Variants in EIF2B5 observed in about 807,000 individuals in gnomAD.
EIF2B5 encodes translation initiation factor eIF2B subunit epsilon.
In EIF2B5, 38 loss-of-function variants were observed where a neutral mutation model predicts 87.3. The ratio of observed to expected loss-of-function variants is 0.44; its 90% CI spans 0.34 to 0.57. The LOEUF (loss-of-function observed/expected upper bound fraction) is 0.57, where lower values mean the gene tolerates loss of function less well. Among genes scored for constraint, EIF2B5 ranks in the 20% least tolerant of loss-of-function variants. The pLI is 0.02. For missense variants in EIF2B5, 784 were observed against 909.5 expected (o/e 0.86, Z 1.78); for synonymous variants, 313 against 339.6 (o/e 0.92, Z 0.86).
chr3:184,142,900 G>C lies in EIF2B5; in HGVS notation c.1654+14G>C. The C allele has an allele frequency of 6.2e-7, 1 of 1,607,720 alleles. No individual in the cohort carries two copies. The highest frequency in any genetic ancestry group is 8.5e-7 in the Non-Finnish European group (1 of 1,175,884). On this transcript the variant is annotated intron_variant, in intron 11 of 15. Coordinates refer to ENST00000648915, the MANE Select transcript of EIF2B5 (RefSeq NM_003907.3). This position sits in a 1 kb window ranked among gnomAD's most constrained non-coding sequence, Gnocchi z 5.0. ...ATGACATCAAAGGTGAGTGGCAGGG[G>C]AGAAATGCGCTGGACCAGTTTATTC... is the stretch of plus-strand genomic sequence containing the variant.
chr3:184,138,762 G>A, intron 5 of EIF2B5: 2 of 225,194 alleles, frequency 8.9e-6, no homozygotes, highest in South Asian at 4.7e-5. Context: ...CAGCCTCCCA[G>A]GTTCAAGGGA....
chr3:184,136,200 A>T (rs1162717911), intron 1 of EIF2B5, among the ~76,000 whole-genome samples: 1 of 152,338 alleles, frequency 6.6e-6, no homozygotes, highest in South Asian at 2.1e-4. Flanking sequence ...AAAAAGCCTA[A>T]TGGCTGTTCA....
intron 1 of EIF2B5, 188 bp downstream of exon 1, chr3:184,135,768 G>C: frequency 1.3e-6 from 1 of 763,006 alleles, no homozygotes; most frequent in Non-Finnish European, 2.1e-6. Context: ...CGGCAGATTT[G>C]GGCATTCGTA....
chr3:184,140,580 A>C lies in EIF2B5; in HGVS notation c.1006A>C (p.Thr336Pro). 1 of 1,614,064 alleles carries C rather than the reference A, an allele frequency of 6.2e-7. No individual in the cohort carries two copies. Among genetic ancestry groups the C allele is most frequent in the Non-Finnish European group, 8.5e-7 (1 of 1,180,010 alleles). Residue 336 changes from threonine (T) to proline (P), a missense_variant, in exon 7 of 16, where the codon ACT (threonine) becomes CCT (proline). Coordinates refer to ENST00000648915, the MANE Select transcript of EIF2B5 (RefSeq NM_003907.3). ...CACTGACAGCACCACCCAGAGCTGC[A>C]CTCATTCCCGGCACAACATCTACCG... ...NFTDSTTQSC[T>P]HSRHNIYRGP...
Position 184,142,414 on chromosome 3 carries a change from CTCGCTG to C in EIF2B5, c.1444+37_1444+42del. The stretch of plus-strand genomic sequence containing the variant: ...CAACAGGTGTGGGGCATCTGTGTGT[CTCGCTG>C]CCTCATAGAAGAACCAGTGTTTCCT... On this transcript the variant is annotated intron_variant, in intron 9 of 15. Coordinates refer to ENST00000648915, the MANE Select transcript of EIF2B5 (RefSeq NM_003907.3). This position sits in a 1 kb window ranked among gnomAD's most constrained non-coding sequence, Gnocchi z 5.0. 6.2e-7 allele frequency: 1 copy of C among 1,614,186 alleles called. No homozygotes were observed. Among genetic ancestry groups the C allele is most frequent in the Non-Finnish European group, 8.5e-7 (1 of 1,180,040 alleles).
rs1713435874 is a variant in EIF2B5, at chr3:184,137,923, GTTTCTGTGATGAC to G, written c.533_545del (p.Val178GlyfsTer2). 1 of 1,614,090 alleles carries G rather than the reference GTTTCTGTGATGAC, an allele frequency of 6.2e-7. No individual in the cohort carries two copies. Among genetic ancestry groups the G allele is most frequent in the Non-Finnish European group, 8.5e-7 (1 of 1,180,052 alleles). The stretch of plus-strand genomic sequence containing the variant: ...GTTGAGACGGAAGCTAGAAAAAAAT[GTTTCTGTGATGAC>G]GATGATCTTCAAGGAGTCATCCCCC... On this transcript the variant is annotated frameshift_variant, in exon 4 of 16. Transcript: ENST00000648915. LOFTEE classifies it high-confidence loss of function.
chr3:184,138,648 C>A (rs1243076493), intron 5 of EIF2B5, among the ~76,000 whole-genome samples: 1 of 148,222 alleles, frequency 6.7e-6, no homozygotes, highest in Non-Finnish European at 1.5e-5. Flanking sequence ...AGCCACCACA[C>A]CTGGCCTTAT....
chr3:184,140,757 A>C, intron 7 of EIF2B5, 27 bp downstream of exon 7: 1 of 1,613,128 alleles, frequency 6.2e-7, no homozygotes, highest in Admixed American at 1.7e-5. Flanking sequence ...AATCAAGCCA[A>C]CTATCCTAGG....
rs763144898 is a variant in EIF2B5, at chr3:184,142,629, TCTC to T, written c.1546+32_1546+34del. ...GTGAGCTAGGCCTGATGCCTGCCCT[TCTC>T]CTCCTGAATCGGAATATTTTGAAGG... is the stretch of plus-strand genomic sequence containing the variant. On this transcript the variant is annotated intron_variant, in intron 10 of 15. Coordinates refer to ENST00000648915, the MANE Select transcript of EIF2B5 (RefSeq NM_003907.3). This position sits in a 1 kb window ranked among gnomAD's most constrained non-coding sequence, Gnocchi z 5.0. 9.3e-6 allele frequency: 15 copies of T among 1,605,534 alleles called. No individual in the cohort carries two copies. Among genetic ancestry groups the T allele is most frequent in the Middle Eastern group, 1.7e-4 (1 of 6,048 alleles).
At chr3:184,137,545 G>C in intron 2 of EIF2B5, 75 bp from the exon 3 acceptor site, 1 of 1,479,468 alleles carries the variant, frequency 6.8e-7, no homozygotes, top group Admixed American at 1.7e-5. Flanking sequence ...GTGCTGAAAG[G>C]GGGTGAAAAA....
intron 5 of EIF2B5, chr3:184,138,906 A>T: frequency 3.5e-6 from 1 of 286,068 alleles, no homozygotes; most frequent in South Asian, 2.6e-5. Context: ...AAGCAATCTG[A>T]CCACCTCAGC....
chr3:184,137,802 A>G lies in EIF2B5; in HGVS notation c.503A>G (p.His168Arg). 1.2e-6 allele frequency: 2 copies of G among 1,614,216 alleles called. No individual in the cohort carries two copies. Among genetic ancestry groups the G allele is most frequent in the Non-Finnish European group, 8.5e-7 (1 of 1,180,048 alleles). Residue 168 changes from histidine to arginine, a missense_variant, in exon 3 of 16, where the codon CAC becomes CGC. Physicochemically the swap from His to Arg is conservative, Grantham distance 29. Transcript: ENST00000648915. ...AATATCACCAGAGCCCTTGAGGAAC[A>G]CAGGTCAGGATGGGAAAATGACAGG... Reference protein sequence around the residue: ...NINITRALEEHRLRRKLEKNV... With the variant: ...NINITRALEERRLRRKLEKNV...
chr3:184,143,001 G>A (rs774131979), intron 11 of EIF2B5, 51 bp from the exon 12 acceptor site: 1 of 1,591,920 alleles, frequency 6.3e-7, no homozygotes, highest in South Asian at 1.1e-5. Flanking sequence ...AGATGACTTA[G>A]AGCATTCTGA....
chr3:184,135,654 A>C, intron 1 of EIF2B5, 74 bp downstream of exon 1: 1 of 1,534,790 alleles, frequency 6.5e-7, no homozygotes, highest in Non-Finnish European at 8.8e-7. Flanking sequence ...ATTTCGGCTA[A>C]CTACAACAGC....
chr3:184,135,424 T>G lies in EIF2B5; in HGVS notation c.39T>G (p.Val13=). 1 of 1,582,414 alleles carries G rather than the reference T, an allele frequency of 6.3e-7. No individual in the cohort carries two copies. Among genetic ancestry groups the G allele is most frequent in the African/African-American group, 1.3e-5 (1 of 74,798 alleles). The change falls in exon 1 of 16, where the codon GTT becomes GTG. Residue 13 remains valine (V), a synonymous_variant. Transcript: ENST00000648915. ...APVVAPPGVV[V]SRANKRSGAG... ...TAGTGGCGCCGCCTGGTGTGGTGGT[T>G]AGTCGGGCTAACAAGCGCAGCGGCG...
In EIF2B5 at chr3:184,143,427, C is replaced by G. The variant is rs770883430; in HGVS notation, c.1746-15C>G. 20 of 1,614,018 alleles carry G rather than the reference C, an allele frequency of 1.2e-5. No individual in the cohort carries two copies. The highest frequency in any genetic ancestry group is 1.6e-5 in the Non-Finnish European group (19 of 1,180,026). The stretch of plus-strand genomic sequence containing the variant: ...GGCCAGTGAAGGCCCTGGTGTCACC[C>G]CAGTCTCCCCACAGGTATGCCTATA... On this transcript the variant is annotated splice_polypyrimidine_tract_variant and intron_variant, in intron 12 of 15. Coordinates refer to ENST00000648915, the MANE Select transcript of EIF2B5 (RefSeq NM_003907.3).
At position 184,136,693 on chromosome 3, in the gene EIF2B5, G is replaced by C; in HGVS notation, c.277G>C (p.Val93Leu). Residue 93 changes from valine (V) to leucine (L), a missense_variant, in exon 2 of 16, where the codon GTC becomes CTC. By Grantham distance (32) the Val-to-Leu change is conservative (BLOSUM62 1). Transcript: ENST00000648915. ...TGCCACAGGTGTACAGGAAACATTT[G>C]TCTTTTGTTGCTGGAAAGCTGCTCA... ...LTATGVQETF[V>L]FCCWKAAQIK... 1 of 1,614,146 alleles carries C rather than the reference G, an allele frequency of 6.2e-7. No individual in the cohort carries two copies.
At chr3:184,141,198 C>T (rs1453844402) in intron 7 of EIF2B5, among the ~76,000 whole-genome samples, 2 of 152,148 alleles carry the variant, frequency 1.3e-5, no homozygotes, top group Non-Finnish European at 2.9e-5. Flanking sequence ...CCTGGTTGGC[C>T]TCTTGGTATC....
intron 5 of EIF2B5, 141 bp from the exon 6 acceptor site, chr3:184,139,939 C>T (rs186323003): frequency 1.2e-4 from 74 of 624,480 alleles, no homozygotes; most frequent in African/African-American, 1.1e-3. Context: ...ACAAGAATCA[C>T]TTTAACCCAG....
Sources: gnomAD v4.1 joint callset for allele counts (sites outside exome capture counted in the v4.1 genomes callset) on GRCh38, gnomAD v4.1.1 for gene constraint, Gnocchi (gnomAD v3.1) non-coding constraint, MANE v1.5 for transcripts, NCBI Gene and HGNC (gene_info 2026-07-23, HGNC 2026-07-21) for gene names.